The following RYR1 variants were observed in gnomAD, a reference collection of about 807,000 sequenced individuals.
The protein encoded by RYR1 is ryanodine receptor 1.
In RYR1, 342 loss-of-function variants were observed where a neutral mutation model predicts 583.5. The observed-to-expected ratio is 0.59, with a 90% CI of 0.54 to 0.64. The LOEUF (loss-of-function observed/expected upper bound fraction) is 0.64. RYR1 is among the 30% of genes least tolerant of loss of function. RYR1 has a pLI of 0.00. For synonymous variants in RYR1, 2,791 were observed against 2,822.5 expected (o/e 0.99, Z 0.35); for missense variants, 6,032 against 6,917.2 (o/e 0.87, Z 4.54).
At chr19:38,569,872 A>G (rs957494203) in intron 93 of RYR1, among the ~76,000 whole-genome samples, 5 of 152,214 alleles carry the variant, frequency 3.3e-5, no homozygotes, top group Non-Finnish European at 7.3e-5. Flanking sequence ...CTCAACAAAT[A>G]GGAGGTTGAG....
intron 69 of RYR1, chr19:38,523,672 T>C (rs910860201): frequency 1.7e-6 from 1 of 603,858 alleles, no homozygotes. Context: ...CCCTCTTCCA[T>C]TTCTTTCTTC....
rs1204041410 is a variant in RYR1 at position 38,565,361 on chromosome 19, G to C, written c.13027G>C (p.Ala4343Pro). The C allele has an allele frequency of 1.5e-6, 2 of 1,313,012 alleles. No individual in the cohort carries two copies. The highest frequency in any genetic ancestry group is 3.1e-5 in the African/African-American group (2 of 64,006). 81.3% of individuals were successfully genotyped at this position (1,313,012 alleles called of 1,614,324 possible). ...AALLWAAVTR[A>P]GAAGAGAAAG... is the part of the protein sequence containing the mutation. ...GCTGCTCTGGGCAGCAGTGACGCGC[G>C]CTGGGGCCGCTGGCGCGGGGGCGGC... Residue 4343 changes from alanine to proline, a missense_variant, in exon 91 of 106, where the codon GCT (alanine) becomes CCT (proline). Ala to Pro is a conservative substitution (Grantham distance 27, BLOSUM62 -1). Transcript: ENST00000359596. This position sits in a 1 kb window ranked among gnomAD's most constrained non-coding sequence, Gnocchi z 4.7.
At chr19:38,567,407 G>C (rs1973494759) in intron 92 of RYR1, among the ~76,000 whole-genome samples, 1 of 152,018 alleles carries the variant, frequency 6.6e-6, no homozygotes, top group Admixed American at 6.6e-5. Flanking sequence ...CTTTCCCGCT[G>C]CCTGGAACAC....
chr19:38,468,894 C>G, intron 25 of RYR1, 72 bp from the exon 26 acceptor site: 1 of 1,519,806 alleles, frequency 6.6e-7, no homozygotes, highest in East Asian at 2.3e-5. Context: ...ATATCTCTCC[C>G]TCCCTGCTTC....
chr19:38,480,694 G>A (rs1347267742), intron 31 of RYR1, among the ~76,000 whole-genome samples: 1 of 151,772 alleles, frequency 6.6e-6, no homozygotes, highest in Non-Finnish European at 1.5e-5. Context: ...CCATTTCTTT[G>A]TTTGAATCAG....
At position 38,433,754 on chromosome 19, in the gene RYR1, CCAGCCCTCCCGCCCAGCCCG is replaced by C; in HGVS notation, c.-69_-50del. On this transcript the variant is annotated 5_prime_UTR_variant, in exon 1 of 106. Coordinates refer to ENST00000359596, the MANE Select transcript of RYR1 (RefSeq NM_000540.3). ...AGAGGTCTCCGACCCCAGCCCGCCC[CCAGCCCTCCCGCCCAGCCCG>C]CAGCCCCCTCCCTCTGTTCCCCGAC... is the stretch of plus-strand genomic sequence containing the variant. The C allele has an allele frequency of 1.4e-6, 1 of 714,144 alleles. No individual in the cohort carries two copies. The highest frequency in any genetic ancestry group is 2.6e-6 in the Non-Finnish European group (1 of 388,930). 44.2% of individuals were successfully genotyped at this position (714,144 alleles called of 1,614,324 possible).
chr19:38,572,315 G>C, intron 95 of RYR1, 45 bp downstream of exon 95: 1 of 1,556,054 alleles, frequency 6.4e-7, no homozygotes. Flanking sequence ...TATTGGCTGG[G>C]TGGGGGTGGG....
chr19:38,502,755 G>GCAGGGA, intron 48 of RYR1, 28 bp downstream of exon 48: 1 of 398,354 alleles, frequency 2.5e-6, no homozygotes, highest in Non-Finnish European at 4.1e-6. Flanking sequence ...TCAGGGTGGG[G>GCAGGGA]CAGGGGCAGG....
intron 28 of RYR1, among the ~76,000 whole-genome samples, chr19:38,474,841 G>A (rs1314042499): frequency 6.6e-6 from 1 of 151,934 alleles, no homozygotes; most frequent in African/African-American, 2.4e-5. Flanking sequence ...GGTTTTCAAT[G>A]GGATTGAAAA....
chr19:38,571,065 G>A (rs1973692547), intron 94 of RYR1, among the ~76,000 whole-genome samples: 1 of 152,246 alleles, frequency 6.6e-6, no homozygotes, highest in Non-Finnish European at 1.5e-5. Context: ...ACAGAAGTTT[G>A]CAGGGAGGAA....
At position 38,528,389 on chromosome 19, in the gene RYR1, C is replaced by T. The variant is rs375330731; in HGVS notation, c.10908C>T (p.Phe3636=). 1.9e-6 allele frequency: 3 copies of T among 1,614,016 alleles called. No individual in the cohort carries two copies. In the African/African-American group the frequency reaches 4.0e-5, roughly 22 times the overall value. Residue 3636 remains phenylalanine (F), a synonymous_variant, in exon 74 of 106, where the codon TTC becomes TTT. Coordinates refer to ENST00000359596, the MANE Select transcript of RYR1 (RefSeq NM_000540.3). ...GCCGGCGGGCAGTCGTGGCCTGTTT[C>T]CGTATGACGCCCCTGTACAACCTGC... ...KQRRRAVVAC[F]RMTPLYNLPT... is the part of the protein sequence containing the mutation.
rs142259840 is a variant in RYR1 at position 38,511,064 on chromosome 19, G to T, written c.9122+283G>T. ...TAATTCCAACACTTTGGGAAGCTGA[G>T]GTGGGAAGATCACTTGAAGCCAGGA... is the stretch of plus-strand genomic sequence containing the variant. On this transcript the variant is annotated intron_variant, in intron 60 of 105. Transcript: ENST00000359596. Among the ~76,000 whole-genome samples the T allele has an allele frequency of 8.4e-3, 1,278 of 152,276 alleles. 24 individuals are homozygous for T. Among genetic ancestry groups the T allele is most frequent in the African/African-American group, 0.029 (1,204 of 41,538 alleles).
chr19:38,579,978 A>C lies in RYR1; in HGVS notation c.14365-4A>C, dbSNP rs766430741. 1 of 1,614,002 alleles carries C rather than the reference A, an allele frequency of 6.2e-7. No homozygotes were observed. Among genetic ancestry groups the C allele is most frequent in the South Asian group, 1.1e-5 (1 of 91,060 alleles). On this transcript the variant is annotated splice_region_variant and splice_polypyrimidine_tract_variant and intron_variant, in intron 99 of 105. Transcript: ENST00000359596. ...CCCTGACCCCTGGCCCTGTGTGCCC[A>C]CAGTCCTTCCTGTACCTGGGCTGGT...
chr19:38,524,877 G>C (rs1314195285), intron 70 of RYR1, among the ~76,000 whole-genome samples: 1 of 152,098 alleles, frequency 6.6e-6, no homozygotes, highest in African/African-American at 2.4e-5. Context: ...GGTTCCTAGG[G>C]GATTCTGGAA....
At chr19:38,522,157 A>T (rs1971253382) in intron 67 of RYR1, among the ~76,000 whole-genome samples, 4 of 152,158 alleles carry the variant, frequency 2.6e-5, no homozygotes. Flanking sequence ...CTGGCTACAC[A>T]AGTGTGTTCA....
intron 88 of RYR1, among the ~76,000 whole-genome samples, chr19:38,547,610 C>T (rs780238034): frequency 4.6e-5 from 7 of 152,082 alleles, no homozygotes; most frequent in Admixed American, 2.0e-4. Flanking sequence ...GCATGACTTT[C>T]TCTATGTCTC....
Position 38,524,661 on chromosome 19 carries a change from C to A in RYR1, c.10456-671C>A, listed in dbSNP as rs1369434962. Among the ~76,000 whole-genome samples, 5 of 152,362 alleles carry A rather than the reference C, an allele frequency of 3.3e-5. No individual in the cohort carries two copies. In the East Asian group the frequency reaches 9.6e-4, roughly 29 times the overall value. On this transcript the variant is annotated intron_variant, in intron 70 of 105. Transcript: ENST00000359596. ...GGCTGTGGGACTCTGTGCCCTGTGT[C>A]TCTGCTTCCAGATCTTTCTGGATGT...
intron 31 of RYR1, among the ~76,000 whole-genome samples, chr19:38,479,962 C>T (rs1484020819): frequency 6.6e-6 from 1 of 152,006 alleles, no homozygotes; most frequent in African/African-American, 2.4e-5. Context: ...TCAAGCAATC[C>T]TTCTGCCTCA....
rs1261297305 is a variant in RYR1 at position 38,565,743 on chromosome 19, G to T, written c.13409G>T (p.Gly4470Val). 1.4e-6 allele frequency: 2 copies of T among 1,425,176 alleles called. No homozygotes were observed. Among genetic ancestry groups the T allele is most frequent in the Admixed American group, 3.0e-5 (1 of 33,084 alleles). The allele number at this position is 1,425,176 out of a possible 1,614,324, so 88.3% of individuals were successfully genotyped here. Residue 4470 changes from glycine to valine, a missense_variant, in exon 91 of 106, where the codon GGC becomes GTC. Gly to Val is a moderately radical substitution (Grantham distance 109). Around this residue, in one of 11 missense-constraint regions of RYR1, gnomAD observed 753 missense variants for 759.6 expected, o/e 0.99. Transcript: ENST00000359596. The surrounding 1 kb of genome is among the most constrained non-coding windows in gnomAD (Gnocchi z 4.7). ...TTPAEPPTPE[G>V]SPILKRKLGV... ...CCTGCGGAACCGCCCACACCCGAGG[G>T]CTCTCCCATCCTCAAGAGGAAATTG...
Sources: gnomAD v4.1 joint callset for allele counts (sites outside exome capture counted in the v4.1 genomes callset) on GRCh38, gnomAD v4.1.1 for gene constraint, gnomAD v4.1.1 regional missense constraint, Gnocchi (gnomAD v3.1) non-coding constraint, MANE v1.5 for transcripts, NCBI Gene and HGNC (gene_info 2026-07-23, HGNC 2026-07-21) for gene names.